The following PAPPA2 variants were observed in gnomAD, a reference collection of about 807,000 sequenced individuals.
PAPPA2 encodes the protein pappalysin-2.
Under a neutral mutation model 176.4 loss-of-function variants are expected in PAPPA2, and 86 were observed. That is an observed-to-expected ratio of 0.49 (90% CI 0.41 to 0.58). PAPPA2 has a LOEUF of 0.58. Among genes scored for constraint, PAPPA2 ranks in the 20% least tolerant of loss-of-function variants. The probability of loss-of-function intolerance (pLI) is 0.00; values close to 1 mark genes in which losing one functional copy is unlikely to be tolerated. For missense variants in PAPPA2, 2,073 were observed against 2,256.9 expected, an observed-to-expected ratio of 0.92 and a Z score of 1.65; for synonymous variants, 809 against 852.2, an observed-to-expected ratio of 0.95 and a Z score of 0.88.
chr1:176,531,996 C>T (rs1050659165), intron 1 of PAPPA2, among the ~76,000 whole-genome samples: 1 of 152,150 alleles, frequency 6.6e-6, no homozygotes, highest in East Asian at 1.9e-4. Flanking sequence ...CTGGCCCTGA[C>T]ATTTTGGCAG....
chr1:176,583,031 T>C (rs749163910), intron 2 of PAPPA2, among the ~76,000 whole-genome samples: 3 of 152,144 alleles, frequency 2.0e-5, no homozygotes, highest in Non-Finnish European at 4.4e-5. Context: ...TTTTAATTTA[T>C]TGAAGCATTC....
chr1:176,838,854 T>A (rs908663350), intron 21 of PAPPA2, among the ~76,000 whole-genome samples: 3 of 152,250 alleles, frequency 2.0e-5, no homozygotes, highest in Non-Finnish European at 2.9e-5. Flanking sequence ...TCTCAGCCGT[T>A]GGCAAACTGG....
At chr1:176,812,807 G>T (rs1666213394) in intron 21 of PAPPA2, among the ~76,000 whole-genome samples, 1 of 151,396 alleles carries the variant, frequency 6.6e-6, no homozygotes. Context: ...AAGTTTAAGG[G>T]TACATGTGCA....
chr1:176,733,109 C>T (rs1347176590), intron 12 of PAPPA2, among the ~76,000 whole-genome samples: 1 of 152,188 alleles, frequency 6.6e-6, no homozygotes, highest in Non-Finnish European at 1.5e-5. Flanking sequence ...AAACCATCCT[C>T]CTCCATTCCC....
rs1666690672 is a variant in PAPPA2 at position 176,822,154 on chromosome 1, T to C, written c.5203-18019T>C. ...GTGCATAAAGCCCACCTCTCATTCT[T>C]TGAGCAAAAGTTGTAAAACCACTAC... On this transcript the variant is annotated intron_variant, in intron 21 of 22. Transcript: ENST00000367662. Among the ~76,000 whole-genome samples the C allele has an allele frequency of 2.6e-5, 4 of 152,208 alleles. No homozygotes were observed. In the South Asian group the frequency reaches 8.3e-4, roughly 32 times the overall value.
chr1:176,811,223 T>C (rs1325594), intron 21 of PAPPA2, among the ~76,000 whole-genome samples: 1 of 152,144 alleles, frequency 6.6e-6, no homozygotes, highest in African/African-American at 2.4e-5. Flanking sequence ...ATTTGTGATA[T>C]CTGCATAAAA....
intron 1 of PAPPA2, among the ~76,000 whole-genome samples, chr1:176,507,597 A>G (rs200373874): frequency 6.6e-6 from 1 of 152,172 alleles, no homozygotes; most frequent in Non-Finnish European, 1.5e-5. Flanking sequence ...GGAATACTAC[A>G]CAGCCATAAG....
chr1:176,837,948 C>T (rs1007596914), intron 21 of PAPPA2, among the ~76,000 whole-genome samples: 1 of 152,118 alleles, frequency 6.6e-6, no homozygotes, highest in African/African-American at 2.4e-5. Context: ...TTGATTTTGG[C>T]AGGTTGAGGG....
intron 1 of PAPPA2, among the ~76,000 whole-genome samples, chr1:176,543,728 C>T (rs187450378): frequency 1.6e-4 from 25 of 152,302 alleles, no homozygotes; most frequent in African/African-American, 5.8e-4. Flanking sequence ...ATGCCTCTCC[C>T]ATGGTGTAGA....
chr1:176,642,860 G>C (rs955697231), intron 3 of PAPPA2, among the ~76,000 whole-genome samples: 1 of 151,942 alleles, frequency 6.6e-6, no homozygotes, highest in Non-Finnish European at 1.5e-5. Flanking sequence ...GCAAGCATTA[G>C]TCTTCCCTCT....
In PAPPA2 at chr1:176,740,069, C is replaced by G. The variant is rs754485994; in HGVS notation, c.4024C>G (p.Leu1342Val). 2.7e-5 allele frequency: 44 copies of G among 1,613,852 alleles called. No homozygotes were observed. Among genetic ancestry groups the G allele is most frequent in the Non-Finnish European group, 3.5e-5 (41 of 1,179,904 alleles). ...CCTTTTCCACCATACCACCTCAGTG[C>G]TGCTGAATTTCTCATCCCCACGGGT... ...NVLFHHTTSV[L>V]LNFSSPRVGI... The change falls in exon 14 of 23, where the codon CTG becomes GTG. Residue 1342 changes from leucine to valine, a missense_variant. By Grantham distance (32) the Leu-to-Val change is conservative. Transcript: ENST00000367662.
intron 1 of PAPPA2, among the ~76,000 whole-genome samples, chr1:176,545,983 G>A (rs911502699): frequency 6.6e-6 from 1 of 152,306 alleles, no homozygotes; most frequent in South Asian, 2.1e-4. Flanking sequence ...GAAGGTGGCA[G>A]TGTGCAAGAG....
chr1:176,587,709 G>A (rs965641227), intron 2 of PAPPA2, among the ~76,000 whole-genome samples: 3 of 152,184 alleles, frequency 2.0e-5, no homozygotes, highest in Non-Finnish European at 4.4e-5. Flanking sequence ...ATAGTTTGAA[G>A]TCAGGTAGCG....
chr1:176,702,763 G>C, intron 9 of PAPPA2, 28 bp downstream of exon 9: 2 of 1,573,688 alleles, frequency 1.3e-6, no homozygotes, highest in Non-Finnish European at 1.7e-6. Flanking sequence ...GTGTGTGTGT[G>C]TGTGTGTGTG....
At chr1:176,840,046 T>G in intron 21 of PAPPA2, 127 bp from the exon 22 acceptor site, 1 of 714,932 alleles carries the variant, frequency 1.4e-6, no homozygotes, top group Non-Finnish European at 2.4e-6. Flanking sequence ...ATTTGTGTCC[T>G]GCACCTTGGG....
intron 21 of PAPPA2, among the ~76,000 whole-genome samples, chr1:176,808,482 G>A (rs1385816104): frequency 2.0e-5 from 3 of 152,178 alleles, no homozygotes; most frequent in African/African-American, 7.2e-5. Context: ...GTCAAGGATA[G>A]AAGTCAGAAG....
chr1:176,528,408 CTTAT>C (rs1202981250), intron 1 of PAPPA2, among the ~76,000 whole-genome samples: 2 of 152,196 alleles, frequency 1.3e-5, no homozygotes, highest in Non-Finnish European at 2.9e-5. Flanking sequence ...TGTGATGTTT[CTTAT>C]ACCTAAGGAG....
chr1:176,746,438 G>A (rs188985465), intron 14 of PAPPA2, among the ~76,000 whole-genome samples: 33 of 151,906 alleles, frequency 2.2e-4, no homozygotes, highest in Middle Eastern at 6.8e-3. Flanking sequence ...CAGGAGTGTC[G>A]CTCTGTTGCC....
At chr1:176,519,313 G>A (rs562492757) in intron 1 of PAPPA2, among the ~76,000 whole-genome samples, 55 of 152,238 alleles carry the variant, frequency 3.6e-4, no homozygotes, top group African/African-American at 8.9e-4. Flanking sequence ...AGCTACACTC[G>A]GCCCTCCCTG....
Sources: allele counts gnomAD v4.1 joint callset (sites outside exome capture counted in the v4.1 genomes callset), GRCh38; gene constraint gnomAD v4.1.1; transcripts MANE v1.5; gene names NCBI Gene and HGNC (gene_info 2026-07-23, HGNC 2026-07-21).